The following ALK variants were observed in gnomAD, a reference collection of about 807,000 sequenced individuals.
ALK encodes the protein ALK receptor tyrosine kinase.
A neutral mutation model predicts 163.1 loss-of-function variants in ALK; 74 were observed. The observed-to-expected ratio is 0.45, with a 90% CI of 0.38 to 0.55. ALK has a LOEUF of 0.55. Among genes scored for constraint, ALK ranks in the 20% least tolerant of loss-of-function variants. ALK has a pLI of 0.00. For synonymous variants in ALK, 960 were observed against 843.2 expected (o/e 1.14, Z -2.40); for missense variants, 2,063 against 2,105.3 (o/e 0.98, Z 0.39).
chr2:29,543,024 C>A (rs1673454103), intron 3 of ALK, among the ~76,000 whole-genome samples: 1 of 151,764 alleles, frequency 6.6e-6, no homozygotes, highest in Non-Finnish European at 1.5e-5. Context: ...ATATATTGAT[C>A]TTTCTTTTTC....
chr2:29,739,236 C>T (rs1384697892), intron 1 of ALK, among the ~76,000 whole-genome samples: 3 of 95,662 alleles, frequency 3.1e-5, no homozygotes, highest in African/African-American at 1.6e-4. Flanking sequence ...AAGACAGTCT[C>T]TCTTAAAAAA....
chr2:29,702,808 A>G (rs568822461), intron 2 of ALK, among the ~76,000 whole-genome samples: 1 of 152,360 alleles, frequency 6.6e-6, no homozygotes, highest in South Asian at 2.1e-4. Context: ...CCTGAGATTT[A>G]CTATCATGAG....
chr2:29,366,106 C>T (rs1023525868), intron 5 of ALK, among the ~76,000 whole-genome samples: 7 of 152,108 alleles, frequency 4.6e-5, no homozygotes, highest in African/African-American at 2.4e-5. Context: ...AAATTACATC[C>T]TTGAGTCTAA....
intron 1 of ALK, among the ~76,000 whole-genome samples, chr2:29,726,636 G>A (rs1464577824): frequency 6.6e-6 from 1 of 152,164 alleles, no homozygotes; most frequent in Non-Finnish European, 1.5e-5. Flanking sequence ...ACGGTTACCA[G>A]GATGACTCCT....
At chr2:29,340,241 G>T (rs1320973679) in intron 5 of ALK, among the ~76,000 whole-genome samples, 1 of 152,122 alleles carries the variant, frequency 6.6e-6, no homozygotes, top group Non-Finnish European at 1.5e-5. Context: ...AATTTCAACT[G>T]TACCTTGGAG....
intron 4 of ALK, among the ~76,000 whole-genome samples, chr2:29,460,242 GA>G (rs1441814145): frequency 4.6e-5 from 7 of 152,140 alleles, no homozygotes; most frequent in Non-Finnish European, 1.5e-5. Context: ...TTTGATGCAT[GA>G]AAAAATCGTT....
At chr2:29,346,959 T>G (rs1323741548) in intron 5 of ALK, among the ~76,000 whole-genome samples, 1 of 152,212 alleles carries the variant, frequency 6.6e-6, no homozygotes, top group Non-Finnish European at 1.5e-5. Context: ...CCTTACCCGA[T>G]GGTCAGATGT....
intron 3 of ALK, among the ~76,000 whole-genome samples, chr2:29,606,602 G>A (rs1675548090): frequency 6.6e-6 from 1 of 152,208 alleles, no homozygotes; most frequent in African/African-American, 2.4e-5. Context: ...TGGTTCAATG[G>A]TTGGCAAACT....
intron 3 of ALK, among the ~76,000 whole-genome samples, chr2:29,682,669 G>A (rs1341024086): frequency 2.0e-5 from 3 of 152,176 alleles, no homozygotes; most frequent in Non-Finnish European, 4.4e-5. Context: ...GATATAAGGG[G>A]ATTAAACAGG....
intron 5 of ALK, among the ~76,000 whole-genome samples, chr2:29,379,908 G>T (rs1034789557): frequency 2.6e-5 from 4 of 152,186 alleles, no homozygotes; most frequent in Non-Finnish European, 5.9e-5. Context: ...TTCTCACACT[G>T]CTGTAAAGAA....
At chr2:29,392,360 A>T (rs1427988759) in intron 4 of ALK, among the ~76,000 whole-genome samples, 1 of 152,224 alleles carries the variant, frequency 6.6e-6, no homozygotes, top group Non-Finnish European at 1.5e-5. Flanking sequence ...TCCTACTATA[A>T]TGCACATAGG....
At chr2:29,303,733 C>T (rs1398583689) in intron 8 of ALK, among the ~76,000 whole-genome samples, 1 of 152,146 alleles carries the variant, frequency 6.6e-6, no homozygotes, top group East Asian at 1.9e-4. Flanking sequence ...TCCTTTGCAG[C>T]AACGTGGATG....
intron 5 of ALK, among the ~76,000 whole-genome samples, chr2:29,348,141 A>G (rs1668006997): frequency 2.0e-5 from 3 of 152,164 alleles, no homozygotes; most frequent in African/African-American, 7.2e-5. Flanking sequence ...GATCTGTGTC[A>G]GGCTGGGCAG....
chr2:29,699,603 C>T (rs1678673119), intron 2 of ALK, among the ~76,000 whole-genome samples: 1 of 152,200 alleles, frequency 6.6e-6, no homozygotes, highest in South Asian at 2.1e-4. Flanking sequence ...ATCTGAAAAG[C>T]CTTCTTCATG....
chr2:29,712,919 A>G (rs1196934718), intron 2 of ALK, among the ~76,000 whole-genome samples: 1 of 152,160 alleles, frequency 6.6e-6, no homozygotes, highest in Non-Finnish European at 1.5e-5. Context: ...AGGGGGCTGG[A>G]TCAGCTTCTT....
At chr2:29,522,791 C>T (rs1672850347) in intron 4 of ALK, among the ~76,000 whole-genome samples, 1 of 152,162 alleles carries the variant, frequency 6.6e-6, no homozygotes, top group Non-Finnish European at 1.5e-5. Context: ...AGTCCTGGCT[C>T]ATCCACTGAA....
intron 1 of ALK, among the ~76,000 whole-genome samples, chr2:29,729,122 C>A (rs576697770): frequency 8.3e-4 from 127 of 152,296 alleles, no homozygotes; most frequent in African/African-American, 3.0e-3. Context: ...TAAACCTCAG[C>A]CTCCCCTCGC....
intron 3 of ALK, among the ~76,000 whole-genome samples, chr2:29,608,448 A>G (rs1675599666): frequency 6.6e-6 from 1 of 152,186 alleles, no homozygotes; most frequent in Non-Finnish European, 1.5e-5. Flanking sequence ...TCATGATTTC[A>G]TAGCTGATGG....
chr2:29,768,604 A>G (rs1680927236), intron 1 of ALK, among the ~76,000 whole-genome samples: 1 of 152,188 alleles, frequency 6.6e-6, no homozygotes, highest in Non-Finnish European at 1.5e-5. Context: ...ATTAAAATGG[A>G]CAAAATTTGA....
Sources: allele counts gnomAD v4.1 joint callset (sites outside exome capture counted in the v4.1 genomes callset), GRCh38; gene constraint gnomAD v4.1.1; transcripts MANE v1.5; gene names NCBI Gene and HGNC (gene_info 2026-07-23, HGNC 2026-07-21).